The following SIRPB2 variants were observed in gnomAD, a reference collection of about 807,000 sequenced individuals.
SIRPB2 encodes the protein signal-regulatory protein beta-2.
A neutral mutation model predicts 27.1 loss-of-function variants in SIRPB2; 18 were observed. That is an observed-to-expected ratio of 0.66 (90% CI 0.46 to 0.98). The LOEUF (loss-of-function observed/expected upper bound fraction) is 0.98. Ranked by LOEUF, SIRPB2 falls within the 50% of genes least tolerant of loss-of-function variation. The pLI, the probability that SIRPB2 is intolerant of heterozygous loss-of-function variation, is 0.00. For synonymous variants in SIRPB2, 150 were observed against 164.6 expected (o/e 0.91, Z 0.68); for missense variants, 420 against 417.4 (o/e 1.01, Z -0.06).
In SIRPB2 at chr20:1,476,320, G is replaced by T; in HGVS notation, c.876C>A (p.Phe292Leu). The change falls in exon 5 of 5, where the codon TTC becomes TTA. Residue 292 changes from phenylalanine to leucine, a missense_variant. Coordinates refer to ENST00000359801, the MANE Select transcript of SIRPB2 (RefSeq NM_001122962.2). Reference protein sequence around the residue: ...EMSPTGLLVVFAPVVLGLKAI... With the variant: ...EMSPTGLLVVLAPVVLGLKAI... ...CCTTCAGCCCCAGGACCACAGGTGCGAACACAACCAGGAGGCCTGGGAGGC... is the reference window on the plus strand; with the variant it reads ...CCTTCAGCCCCAGGACCACAGGTGCTAACACAACCAGGAGGCCTGGGAGGC... The T allele has an allele frequency of 6.2e-7, 1 of 1,612,942 alleles. No homozygotes were observed. The highest frequency in any genetic ancestry group is 8.5e-7 in the Non-Finnish European group (1 of 1,179,728).
intron 1 of SIRPB2, among the ~76,000 whole-genome samples, chr20:1,489,369 T>C (rs184387987): frequency 2.8e-4 from 42 of 152,350 alleles, no homozygotes; most frequent in African/African-American, 9.4e-4. Flanking sequence ...TACACTTCAA[T>C]AGAGCTGTTA....
intron 4 of SIRPB2, chr20:1,477,026 T>C (rs1434969967): frequency 1.5e-6 from 2 of 1,309,172 alleles, no homozygotes; most frequent in Non-Finnish European, 2.0e-6. Flanking sequence ...AAAGCCATGT[T>C]CTCCAGTGTC....
chr20:1,479,799 T>C lies in SIRPB2; in HGVS notation c.352A>G (p.Thr118Ala). Residue 118 changes from threonine to alanine, a missense_variant, in exon 2 of 5, where the codon ACC becomes GCC. Thr to Ala is a moderately conservative substitution (Grantham distance 58, BLOSUM62 0). Coordinates refer to ENST00000359801, the MANE Select transcript of SIRPB2 (RefSeq NM_001122962.2). ...CDYSIYIHNV[T>A]REHTGTYHCV... ...TGGTAGGTTCCAGTGTGCTCCCTGG[T>C]GACATTGTGGATATAGATGGAATAA... is the stretch of plus-strand genomic sequence containing the variant. The C allele has an allele frequency of 1.2e-6, 2 of 1,614,246 alleles. No individual in the cohort carries two copies. Among genetic ancestry groups the C allele is most frequent in the Non-Finnish European group, 1.7e-6 (2 of 1,180,044 alleles).
Position 1,478,401 on chromosome 20 carries a change from C to T in SIRPB2, c.658G>A (p.Ala220Thr), listed in dbSNP as rs772379588. Residue 220 changes from alanine to threonine, a missense_variant, in exon 3 of 5, where the codon GCC (alanine) becomes ACC (threonine). Physicochemically the swap from Ala to Thr is moderately conservative, Grantham distance 58. Coordinates refer to ENST00000359801, the MANE Select transcript of SIRPB2 (RefSeq NM_001122962.2). ...ISHPKETAVQ[A>T]SNNDFSILLQ... ...AGAATGCTGAAGTCATTGTTGGAGG[C>T]CTGCACCGCTGTCTCCTTGGGGTGG... is the stretch of plus-strand genomic sequence containing the variant. The T allele has an allele frequency of 5.6e-6, 9 of 1,614,060 alleles. No homozygotes were observed. The highest frequency in any genetic ancestry group is 1.1e-5 in the South Asian group (1 of 91,086).
chr20:1,476,832 T>A, intron 4 of SIRPB2: 1 of 1,069,054 alleles, frequency 9.4e-7, no homozygotes, highest in Non-Finnish European at 1.1e-6. Flanking sequence ...TAACATGAGA[T>A]GTGCTAGGCA....
At position 1,475,774 on chromosome 20, in the gene SIRPB2, GGCTGGTT is replaced by G; in HGVS notation, c.*386_*392del. On this transcript the variant is annotated 3_prime_UTR_variant, in exon 5 of 5. Coordinates refer to ENST00000359801, the MANE Select transcript of SIRPB2 (RefSeq NM_001122962.2). ...GTAGATGGAGGGGCACAGATGGTCT[GGCTGGTT>G]GAGTTCAGAGATTCTTACAGACATC... The G allele has an allele frequency of 6.9e-6, 1 of 145,760 alleles. No homozygotes were observed. The allele number at this position is 145,760 out of a possible 1,614,324, so 9.0% of individuals were successfully genotyped here.
In SIRPB2 at chr20:1,475,830, G is replaced by C. The variant is rs1365439109; in HGVS notation, c.*337C>G. ...TCTCCTGGGAAGAAGACTCTGAGTT[G>C]GATGTTGGAGGCCAAGAAGGATGTA... On this transcript the variant is annotated 3_prime_UTR_variant, in exon 5 of 5. Transcript: ENST00000359801. 1 of 235,656 alleles carries C rather than the reference G, an allele frequency of 4.2e-6. No individual in the cohort carries two copies. The highest frequency in any genetic ancestry group is 2.3e-5 in the African/African-American group (1 of 42,722). The allele number at this position is 235,656 out of a possible 1,614,324, so 14.6% of individuals were successfully genotyped here.
intron 2 of SIRPB2, among the ~76,000 whole-genome samples, chr20:1,478,843 C>G (rs1478702185): frequency 6.6e-6 from 1 of 152,190 alleles, no homozygotes; most frequent in Non-Finnish European, 1.5e-5. Flanking sequence ...AGTGCCCGGC[C>G]CTGAAGCCAT....
At chr20:1,488,423 C>G (rs2090747381) in intron 1 of SIRPB2, among the ~76,000 whole-genome samples, 1 of 152,092 alleles carries the variant, frequency 6.6e-6, no homozygotes, top group African/African-American at 2.4e-5. Flanking sequence ...AGTTCAAGAC[C>G]AGCCTGGGCA....
Position 1,475,823 on chromosome 20 carries a change from C to G in SIRPB2, c.*344G>C. 4.5e-6 allele frequency: 1 copy of G among 223,576 alleles called. No individual in the cohort carries two copies. Among genetic ancestry groups the G allele is most frequent in the Non-Finnish European group, 8.8e-6 (1 of 113,326 alleles). The allele number at this position is 223,576 out of a possible 1,614,324, so 13.8% of individuals were successfully genotyped here. On this transcript the variant is annotated 3_prime_UTR_variant, in exon 5 of 5. Transcript: ENST00000359801. The stretch of plus-strand genomic sequence containing the variant: ...ACAGACATCTCCTGGGAAGAAGACT[C>G]TGAGTTGGATGTTGGAGGCCAAGAA...
In SIRPB2 at chr20:1,491,170, T is replaced by C. The variant is rs557494380; in HGVS notation, c.85+105A>G. 18 of 1,043,488 alleles carry C rather than the reference T, an allele frequency of 1.7e-5. No individual in the cohort carries two copies. The East Asian group carries it at 5.0e-4, about 29-fold the overall frequency. 64.6% of individuals were successfully genotyped at this position (1,043,488 alleles called of 1,614,324 possible). ...ATTTTCAGTGGACCCCTCTTTACTC[T>C]ATCTTCATGGGGTCAAGCTTCTTCA... On this transcript the variant is annotated intron_variant, in intron 1 of 4. Transcript: ENST00000359801.
intron 1 of SIRPB2, among the ~76,000 whole-genome samples, chr20:1,483,534 T>TA (rs2090694633): frequency 6.6e-6 from 1 of 152,238 alleles, no homozygotes; most frequent in African/African-American, 2.4e-5. Flanking sequence ...AGGCCATTTG[T>TA]ATGTCTTCTT....
intron 4 of SIRPB2, chr20:1,476,720 G>A (rs1202968654): frequency 4.8e-6 from 5 of 1,047,526 alleles, no homozygotes; most frequent in South Asian, 3.3e-5. Context: ...GACCCAGGCC[G>A]TCTGGCCCCC....
At chr20:1,489,280 T>C (rs558894348) in intron 1 of SIRPB2, among the ~76,000 whole-genome samples, 5 of 152,204 alleles carry the variant, frequency 3.3e-5, no homozygotes, top group African/African-American at 1.2e-4. Context: ...ATTTCACAAG[T>C]GTGAAATACA....
chr20:1,488,352 T>A (rs374884755), intron 1 of SIRPB2, among the ~76,000 whole-genome samples: 42 of 152,080 alleles, frequency 2.8e-4, no homozygotes, highest in African/African-American at 9.4e-4. Flanking sequence ...AAAATCACAG[T>A]GAGAGGTTGG....
At chr20:1,472,082 G>A (rs1397286911), downstream of SIRPB2, among the ~76,000 whole-genome samples, 1 of 152,204 alleles carries the variant, frequency 6.6e-6, no homozygotes, top group Non-Finnish European at 1.5e-5. Context: ...CAAGGCATCA[G>A]ATCTGAAGGC....
chr20:1,485,752 GAC>G (rs1481587557), intron 1 of SIRPB2, among the ~76,000 whole-genome samples: 1 of 151,790 alleles, frequency 6.6e-6, no homozygotes, highest in Non-Finnish European at 1.5e-5. Context: ...GAACAGAGGG[GAC>G]ACACACAGAA....
intron 2 of SIRPB2, chr20:1,479,028 T>C (rs1169639461): frequency 1.2e-5 from 2 of 172,210 alleles, no homozygotes; most frequent in Non-Finnish European, 2.5e-5. Context: ...GTCACCAGTT[T>C]ATGGGGTGTT....
At chr20:1,486,077 T>TTTTCTTTTC (rs200648918) in intron 1 of SIRPB2, among the ~76,000 whole-genome samples, 18,067 of 134,612 alleles carry the variant, frequency 0.13, 1,574 homozygotes, top group East Asian at 0.59. Flanking sequence ...TTTTCTTTTC[T>TTTTCTTTTC]TTTTTTTTTT....
Sources: allele counts gnomAD v4.1 joint callset (sites outside exome capture counted in the v4.1 genomes callset), GRCh38; gene constraint gnomAD v4.1.1; transcripts MANE v1.5; gene names NCBI Gene and HGNC (gene_info 2026-07-23, HGNC 2026-07-21).